PROZ: variants seen among roughly 807,000 people sequenced by gnomAD.
The protein encoded by PROZ is vitamin K-dependent protein Z.
In PROZ, 46 loss-of-function variants were observed where a neutral mutation model predicts 34.9. The observed-to-expected ratio is 1.32, with a 90% CI of 1.04 to 1.69. The LOEUF (loss-of-function observed/expected upper bound fraction) is 1.69. PROZ is among the 40% of genes most tolerant of loss of function. The pLI, the probability that PROZ is intolerant of heterozygous loss-of-function variation, is 0.00. For synonymous variants in PROZ, 195 were observed against 208.5 expected, an observed-to-expected ratio of 0.94 and a Z score of 0.56; for missense variants, 530 against 520.4, an observed-to-expected ratio of 1.02 and a Z score of -0.18.
rs940671802 is a variant in PROZ at position 113,161,180 on chromosome 13, G to A, written c.259+208G>A. ...GGCTCTGCCACCAGGGCCACAGGCAGTGCCTGGTTTGTCTTGCCCAGTGTC... is the reference window on the plus strand; with the variant it reads ...GGCTCTGCCACCAGGGCCACAGGCAATGCCTGGTTTGTCTTGCCCAGTGTC... On this transcript the variant is annotated intron_variant, in intron 3 of 7. Coordinates refer to ENST00000375547, the MANE Select transcript of PROZ (RefSeq NM_003891.3). 3.3e-5 allele frequency among the ~76,000 whole-genome samples: 5 copies of A among 152,196 alleles called. No individual in the cohort carries two copies. The East Asian group carries it at 7.7e-4, about 23-fold the overall frequency.
chr13:113,158,691 C>G lies in PROZ; in HGVS notation c.31C>G (p.Leu11Val), dbSNP rs148527063. The change falls in exon 1 of 8, where the codon CTG becomes GTG. Residue 11 changes from leucine to valine, a missense_variant. Physicochemically the swap from Leu to Val is conservative, Grantham distance 32. Transcript: ENST00000375547. The surrounding 1 kb of genome is among the most constrained non-coding windows in gnomAD (Gnocchi z 4.3). ...AGGCTGCGTCCCACTGCTCCAGGGC[C>G]TGGTCCTGGTCCTCGCCCTCCATCG... is the stretch of plus-strand genomic sequence containing the variant. MAGCVPLLQG[L>V]VLVLALHRVE... 2.2e-3 allele frequency: 3,498 copies of G among 1,606,568 alleles called. 4 individuals are homozygous for G. The highest frequency in any genetic ancestry group is 2.6e-3 in the Non-Finnish European group (3,087 of 1,177,074).
chr13:113,163,079 C>A lies in PROZ; in HGVS notation c.330C>A (p.Thr110=). 1.9e-6 allele frequency: 3 copies of A among 1,560,320 alleles called. No individual in the cohort carries two copies. The highest frequency in any genetic ancestry group is 2.4e-5 in the East Asian group (1 of 41,692). Residue 110 remains threonine, a synonymous_variant, in exon 4 of 8, where the codon ACC becomes ACA. Coordinates refer to ENST00000375547, the MANE Select transcript of PROZ (RefSeq NM_003891.3). ...GCCAGGACAGCATCTGGGGCTACAC[C>A]TGCACCTGCTCCCCCGGCTATGAGG... ...GSCQDSIWGY[T]CTCSPGYEGS... is the part of the protein sequence containing the mutation.
rs757886212 is a variant in PROZ at position 113,158,684 on chromosome 13, C to G, written c.24C>G (p.Leu8=). Residue 8 remains leucine, a synonymous_variant, in exon 1 of 8, where the codon CTC becomes CTG. Coordinates refer to ENST00000375547, the MANE Select transcript of PROZ (RefSeq NM_003891.3). The surrounding 1 kb of genome is among the most constrained non-coding windows in gnomAD (Gnocchi z 4.3). The stretch of plus-strand genomic sequence containing the variant: ...GAATGGCAGGCTGCGTCCCACTGCT[C>G]CAGGGCCTGGTCCTGGTCCTCGCCC... MAGCVPL[L]QGLVLVLALH... The G allele has an allele frequency of 1.9e-6, 3 of 1,606,376 alleles. No homozygotes were observed. In the East Asian group the frequency reaches 6.7e-5, roughly 36 times the overall value.
At chr13:113,164,933 A>G (rs1369702067) in intron 5 of PROZ, 120 bp from the exon 6 acceptor site, 7 of 1,062,038 alleles carry the variant, frequency 6.6e-6, no homozygotes, top group South Asian at 1.3e-5. Flanking sequence ...AGCATTAAGG[A>G]TAAGATTATA....
chr13:113,165,174 T>C lies in PROZ; in HGVS notation c.573+54T>C, dbSNP rs568353795. On this transcript the variant is annotated intron_variant, in intron 6 of 7. Coordinates refer to ENST00000375547, the MANE Select transcript of PROZ (RefSeq NM_003891.3). ...TTTATTGTTATGACTTTCACCTCAC[T>C]TGTCATTTCCTAAATAGAAATGTTG... 2.0e-4 allele frequency: 307 copies of C among 1,531,148 alleles called. 2 individuals are homozygous for C. In the South Asian group the frequency reaches 3.2e-3, roughly 16 times the overall value. 94.8% of individuals were successfully genotyped at this position (1,531,148 alleles called of 1,614,324 possible). A position where few individuals can be genotyped will look rare whatever the true frequency, so the allele number is the denominator to read the frequency against.
chr13:113,166,961 T>G (rs2036954874), intron 6 of PROZ, among the ~76,000 whole-genome samples: 1 of 152,218 alleles, frequency 6.6e-6, no homozygotes, highest in Non-Finnish European at 1.5e-5. Context: ...ACACAGCTGG[T>G]GTGTTTAAGA....
chr13:113,170,430 C>G lies in PROZ; in HGVS notation c.591C>G (p.Ser197=), dbSNP rs745336424. 6.2e-7 allele frequency: 1 copy of G among 1,602,384 alleles called. No individual in the cohort carries two copies. The highest frequency in any genetic ancestry group is 1.3e-5 in the African/African-American group (1 of 74,672). The change falls in exon 7 of 8, where the codon TCC becomes TCG. Residue 197 remains serine, a synonymous_variant. Coordinates refer to ENST00000375547, the MANE Select transcript of PROZ (RefSeq NM_003891.3). The stretch of plus-strand genomic sequence containing the variant: ...TTTTAAAGGTAAAGTTAACAAATTC[C>G]GAAGGAAAAGACTTCTGTGGTGGTG... The part of the protein sequence containing the change: ...DLPWQVKLTN[S]EGKDFCGGVI...
In PROZ at chr13:113,170,498, C is replaced by A; in HGVS notation, c.659C>A (p.Ser220Ter). ...TTTGTACTGACAACAGCAAAATGTTCACTGTTACACAGGAATATTACTGTA... is the reference window on the plus strand; with the variant it reads ...TTTGTACTGACAACAGCAAAATGTTAACTGTTACACAGGAATATTACTGTA... ...ENFVLTTAKC[S>*]LLHRNITVKT... Residue 220 changes from serine (S) to a stop codon, truncating the protein, a stop_gained, in exon 7 of 8, where the codon TCA becomes TAA. Transcript: ENST00000375547. LOFTEE classifies it low-confidence loss of function (END_TRUNC). The A allele has an allele frequency of 6.3e-7, 1 of 1,597,262 alleles. No homozygotes were observed. Among genetic ancestry groups the A allele is most frequent in the South Asian group, 1.1e-5 (1 of 90,682 alleles).
rs1278746965 is a variant in PROZ at position 113,159,694 on chromosome 13, G to T, written c.71-320G>T. On this transcript the variant is annotated intron_variant, in intron 1 of 7. Transcript: ENST00000375547. This position sits in a 1 kb window ranked among gnomAD's most constrained non-coding sequence, Gnocchi z 4.6. ...CTCAGTACGGGGACCTTTGACCCCA[G>T]CTCAGCCTTCCTTCGCACTCAGACC... Among the ~76,000 whole-genome samples, 2 of 152,256 alleles carry T rather than the reference G, an allele frequency of 1.3e-5. No individual in the cohort carries two copies. Among genetic ancestry groups the T allele is most frequent in the African/African-American group, 4.8e-5 (2 of 41,478 alleles).
chr13:113,160,834 T>C (rs2036746401), intron 2 of PROZ, 114 bp from the exon 3 acceptor site: 2 of 906,146 alleles, frequency 2.2e-6, no homozygotes, highest in South Asian at 2.8e-5. Flanking sequence ...TCAACCACTA[T>C]TGTCCTATTA....
intron 5 of PROZ, 151 bp from the exon 6 acceptor site, chr13:113,164,902 G>A: frequency 2.1e-6 from 2 of 958,348 alleles, no homozygotes; most frequent in Non-Finnish European, 3.2e-6. Context: ...CTGTGTGTCT[G>A]TGAATTACTG....
At position 113,159,414 on chromosome 13, in the gene PROZ, G is replaced by A; in HGVS notation, c.71-600G>A. 1.2e-6 allele frequency: 1 copy of A among 804,084 alleles called. No homozygotes were observed. Among genetic ancestry groups the A allele is most frequent in the Non-Finnish European group, 2.0e-6 (1 of 510,368 alleles). The allele number at this position is 804,084 out of a possible 1,614,324, so 49.8% of individuals were successfully genotyped here. A position where few individuals can be genotyped will look rare whatever the true frequency, so the allele number is the denominator to read the frequency against. On this transcript the variant is annotated intron_variant, in intron 1 of 7. Coordinates refer to ENST00000375547, the MANE Select transcript of PROZ (RefSeq NM_003891.3). This position sits in a 1 kb window ranked among gnomAD's most constrained non-coding sequence, Gnocchi z 4.6. The stretch of plus-strand genomic sequence containing the variant: ...TGAGCCCCCCCTGCTGTAACCCTCA[G>A]CACCGAGAGAAAAGGAGGGAGGATG...
chr13:113,169,219 C>T (rs2037038281), intron 6 of PROZ, among the ~76,000 whole-genome samples: 1 of 152,232 alleles, frequency 6.6e-6, no homozygotes, highest in African/African-American at 2.4e-5. Flanking sequence ...TCAATCTGTT[C>T]TTCTGCAATG....
At chr13:113,170,115 G>C (rs377286479) in intron 6 of PROZ, among the ~76,000 whole-genome samples, 4 of 152,118 alleles carry the variant, frequency 2.6e-5, no homozygotes, top group Admixed American at 2.0e-4. Context: ...CATAGATTTT[G>C]TCAATTTTTT....
intron 6 of PROZ, chr13:113,166,131 T>G (rs1264136398): frequency 6.6e-6 from 1 of 152,262 alleles, no homozygotes; most frequent in Non-Finnish European, 1.5e-5. Flanking sequence ...CCTGAGTATA[T>G]CCTTCAGAAC....
chr13:113,170,619 G>T (rs550437868), intron 7 of PROZ, 89 bp downstream of exon 7: 1 of 838,214 alleles, frequency 1.2e-6, no homozygotes, highest in Non-Finnish European at 2.1e-6. Context: ...AAACTGGACT[G>T]TTTCTAATGC....
chr13:113,163,378 C>T (rs183678644), intron 4 of PROZ, among the ~76,000 whole-genome samples: 2 of 152,040 alleles, frequency 1.3e-5, no homozygotes, highest in African/African-American at 4.8e-5. Flanking sequence ...GGCCCCTCTC[C>T]TCCCCCCACC....
chr13:113,164,210 C>G (rs1256321929), intron 4 of PROZ, among the ~76,000 whole-genome samples: 2 of 152,118 alleles, frequency 1.3e-5, no homozygotes, highest in East Asian at 3.9e-4. Flanking sequence ...GATCTCCTGA[C>G]CTCGTGATCC....
At chr13:113,160,895 A>G (rs1376413229) in intron 2 of PROZ, 53 bp from the exon 3 acceptor site, 29 of 1,461,640 alleles carry the variant, frequency 2.0e-5, no homozygotes, top group Admixed American at 3.3e-5. Context: ...ACAGGAAAGA[A>G]TATAGAAAAA....
Sources: allele counts gnomAD v4.1 joint callset (sites outside exome capture counted in the v4.1 genomes callset), GRCh38; gene constraint gnomAD v4.1.1; non-coding constraint Gnocchi (gnomAD v3.1); transcripts MANE v1.5; gene names NCBI Gene and HGNC (gene_info 2026-07-23, HGNC 2026-07-21).